Variants in CLDN6 observed in about 807,000 individuals in gnomAD.
The protein encoded by CLDN6 is claudin 6.
For missense variants in CLDN6, 279 were observed against 284.1 expected, an observed-to-expected ratio of 0.98 and a Z score of 0.13; for synonymous variants, 144 against 131.2, an observed-to-expected ratio of 1.10 and a Z score of -0.67.
At position 3,015,255 on chromosome 16, in the gene CLDN6, A is replaced by G; in HGVS notation, c.*104T>C. 2.0e-6 allele frequency: 2 copies of G among 1,011,894 alleles called. No homozygotes were observed. The highest frequency in any genetic ancestry group is 4.0e-5 in the South Asian group (2 of 49,500). The allele number at this position is 1,011,894 out of a possible 1,614,324, so 62.7% of individuals were successfully genotyped here. ...TTAAATATCCTCAGTCAAAAGAAAAATAGCAGGAGGCAGAAACAAAAGGTA... is the reference window on the plus strand; with the variant it reads ...TTAAATATCCTCAGTCAAAAGAAAAGTAGCAGGAGGCAGAAACAAAAGGTA... On this transcript the variant is annotated 3_prime_UTR_variant, in exon 2 of 2. Transcript: ENST00000328796.
Position 3,015,402 on chromosome 16 carries a change from A to AT in CLDN6, c.619dup (p.Ile207AsnfsTer7). 1 of 1,528,432 alleles carries AT rather than the reference A, an allele frequency of 6.5e-7. No individual in the cohort carries two copies. Among genetic ancestry groups the AT allele is most frequent in the Non-Finnish European group, 8.8e-7 (1 of 1,140,710 alleles). 94.7% of individuals were successfully genotyped at this position (1,528,432 alleles called of 1,614,324 possible). A position where few individuals can be genotyped will look rare whatever the true frequency, so the allele number is the denominator to read the frequency against. Reference sequence around the variant, plus strand: ...AGGGTACTCAGAGGGCCCCCGAGAGATGGCAGGGGCAGATGTTGAGTAGCG... The same window carrying AT: ...AGGGTACTCAGAGGGCCCCCGAGAGATTGGCAGGGGCAGATGTTGAGTAGCG... On this transcript the variant is annotated frameshift_variant, in exon 2 of 2. Coordinates refer to ENST00000328796, the MANE Select transcript of CLDN6 (RefSeq NM_021195.5). LOFTEE classifies it high-confidence loss of function.
In CLDN6 at chr16:3,015,791, C is replaced by A. The variant is rs747277237; in HGVS notation, c.231G>T (p.Leu77=). Residue 77 remains leucine (L), a synonymous_variant, in exon 2 of 2, where the codon CTG becomes CTT. Coordinates refer to ENST00000328796, the MANE Select transcript of CLDN6 (RefSeq NM_021195.5). ...TGACACAGAGGGCACGTGCAGCCTGCAGGTCCTGTGGCAGCGCCAGCAGTG... is the reference window on the plus strand; with the variant it reads ...TGACACAGAGGGCACGTGCAGCCTGAAGGTCCTGTGGCAGCGCCAGCAGTG... ...YDSLLALPQD[L]QAARALCVIA... The A allele has an allele frequency of 6.2e-7, 1 of 1,614,104 alleles. No individual in the cohort carries two copies. Among genetic ancestry groups the A allele is most frequent in the Admixed American group, 1.7e-5 (1 of 60,034 alleles).
At chr16:3,016,846 C>T (rs2072571004) in intron 1 of CLDN6, among the ~76,000 whole-genome samples, 1 of 151,976 alleles carries the variant, frequency 6.6e-6, no homozygotes, top group Non-Finnish European at 1.5e-5. Flanking sequence ...GACGGGGTTT[C>T]ACTGTGTTAG....
At position 3,015,604 on chromosome 16, in the gene CLDN6, C is replaced by G; in HGVS notation, c.418G>C (p.Ala140Pro). 1 of 1,613,228 alleles carries G rather than the reference C, an allele frequency of 6.2e-7. No homozygotes were observed. The highest frequency in any genetic ancestry group is 8.5e-7 in the Non-Finnish European group (1 of 1,180,048). Residue 140 changes from alanine (A) to proline (P), a missense_variant, in exon 2 of 2, where the codon GCG becomes CCG. Physicochemically the swap from Ala to Pro is conservative, Grantham distance 27. Coordinates refer to ENST00000328796, the MANE Select transcript of CLDN6 (RefSeq NM_021195.5). Reference protein sequence around the residue: ...VLTLIPVCWTAHAIIRDFYNP... With the variant: ...VLTLIPVCWTPHAIIRDFYNP... ...TAGAAGTCCCGGATGATGGCATGCG[C>G]CGTCCAGCACACGGGGATTAGCGTC...
Position 3,015,826 on chromosome 16 carries a change from C to G in CLDN6, c.196G>C (p.Val66Leu). ...VQSTGQMQCK[V>L]YDSLLALPQD... is the part of the protein sequence containing the mutation. ...GGCAGCGCCAGCAGTGAGTCGTACA[C>G]CTTGCACTGCATCTGGCCGGTGCTC... The change falls in exon 2 of 2, where the codon GTG (valine) becomes CTG (leucine). Residue 66 changes from valine (V) to leucine (L), a missense_variant. Transcript: ENST00000328796. The G allele has an allele frequency of 6.2e-7, 1 of 1,614,184 alleles. No individual in the cohort carries two copies. The highest frequency in any genetic ancestry group is 1.1e-5 in the South Asian group (1 of 91,090).
intron 1 of CLDN6, among the ~76,000 whole-genome samples, chr16:3,016,616 G>A (rs1217816730): frequency 1.3e-5 from 2 of 151,738 alleles, no homozygotes; most frequent in Admixed American, 6.6e-5. Context: ...AAGTAGCTGG[G>A]ATTACAGGTG....
rs188668117 is a variant in CLDN6 at position 3,015,772 on chromosome 16, A to G, written c.250T>C (p.Cys84Arg). The G allele has an allele frequency of 1.9e-6, 3 of 1,614,108 alleles. No individual in the cohort carries two copies. The Admixed American group carries it at 5.0e-5, about 27-fold the overall frequency. ...PQDLQAARAL[C>R]VIALLVALFG... ...AGGGCCACAAGGAGGGCGATGACAC[A>G]GAGGGCACGTGCAGCCTGCAGGTCC... Residue 84 changes from cysteine to arginine, a missense_variant, in exon 2 of 2, where the codon TGT becomes CGT. Cys to Arg is a radical substitution (Grantham distance 180). Transcript: ENST00000328796.
At chr16:3,017,878 C>T (rs1035017436) in intron 1 of CLDN6, among the ~76,000 whole-genome samples, 19 of 150,504 alleles carry the variant, frequency 1.3e-4, no homozygotes, top group African/African-American at 4.4e-4. Context: ...GGAGGGGCGC[C>T]CCGCCCCGAG....
chr16:3,015,675 C>G lies in CLDN6; in HGVS notation c.347G>C (p.Arg116Pro). Residue 116 changes from arginine to proline, a missense_variant, in exon 2 of 2, where the codon CGC becomes CCC. Physicochemically the swap from Arg to Pro is moderately radical, Grantham distance 103 (BLOSUM62 -2). Transcript: ENST00000328796. ...TCVEEKDSKA[R>P]LVLTSGIVFV... The stretch of plus-strand genomic sequence containing the variant: ...GACAATCCCAGAGGTGAGCACCAGG[C>G]GGGCCTTGGAATCCTTCTCCTCCAC... 1 of 1,613,590 alleles carries G rather than the reference C, an allele frequency of 6.2e-7. No homozygotes were observed. The highest frequency in any genetic ancestry group is 8.5e-7 in the Non-Finnish European group (1 of 1,180,042).
At chr16:3,016,351 G>A (rs532302887) in intron 1 of CLDN6, among the ~76,000 whole-genome samples, 1 of 152,370 alleles carries the variant, frequency 6.6e-6, no homozygotes, top group East Asian at 1.9e-4. Flanking sequence ...GACAGTCCAA[G>A]GCCAGAGCCA....
intron 1 of CLDN6, among the ~76,000 whole-genome samples, chr16:3,016,306 G>C (rs2072566976): frequency 6.6e-6 from 1 of 152,228 alleles, no homozygotes; most frequent in South Asian, 2.1e-4. Flanking sequence ...TATCCTGAAT[G>C]CAAATGAAAG....
intron 1 of CLDN6, among the ~76,000 whole-genome samples, chr16:3,016,543 C>T (rs1381592001): frequency 6.6e-6 from 1 of 152,118 alleles, no homozygotes; most frequent in African/African-American, 2.4e-5. Flanking sequence ...TGCAGTGGTG[C>T]CATCTCCACT....
chr16:3,016,175 C>G (rs2072566306), intron 1 of CLDN6, 133 bp from the exon 2 acceptor site: 1 of 748,788 alleles, frequency 1.3e-6, no homozygotes, highest in Non-Finnish European at 2.1e-6. Flanking sequence ...AAGACATGCT[C>G]CCTGAGCCTC....
At position 3,015,208 on chromosome 16, in the gene CLDN6, T is replaced by TG. The variant is rs1332477147; in HGVS notation, c.*150dup. ...TAAGTGAGAGTCTGAGTCAACACCTTGGCTCAGTTTTCAAATGAATTTTAA... is the reference window on the plus strand; with the variant it reads ...TAAGTGAGAGTCTGAGTCAACACCTTGGGCTCAGTTTTCAAATGAATTTTAA... On this transcript the variant is annotated 3_prime_UTR_variant, in exon 2 of 2. Coordinates refer to ENST00000328796, the MANE Select transcript of CLDN6 (RefSeq NM_021195.5). 1 of 655,092 alleles carries TG rather than the reference T, an allele frequency of 1.5e-6. No individual in the cohort carries two copies. The highest frequency in any genetic ancestry group is 2.5e-6 in the Non-Finnish European group (1 of 406,338). 40.6% of individuals were successfully genotyped at this position (655,092 alleles called of 1,614,324 possible).
intron 1 of CLDN6, among the ~76,000 whole-genome samples, chr16:3,016,647 A>C (rs1251977413): frequency 2.3e-5 from 3 of 130,170 alleles, no homozygotes; most frequent in Non-Finnish European, 4.8e-5. Context: ...CGCCCGGCTA[A>C]TTTTTTTTTT....
At chr16:3,017,592 C>T (rs1409623314) in intron 1 of CLDN6, among the ~76,000 whole-genome samples, 2 of 152,116 alleles carry the variant, frequency 1.3e-5, no homozygotes, top group African/African-American at 4.8e-5. Context: ...AGCAGACCAC[C>T]TTGGGGAGAC....
chr16:3,015,254 A>C lies in CLDN6; in HGVS notation c.*105T>G. The C allele has an allele frequency of 3.0e-6, 3 of 1,007,784 alleles. No individual in the cohort carries two copies. Among genetic ancestry groups the C allele is most frequent in the Non-Finnish European group, 4.3e-6 (3 of 699,730 alleles). The allele number at this position is 1,007,784 out of a possible 1,614,324, so 62.4% of individuals were successfully genotyped here. On this transcript the variant is annotated 3_prime_UTR_variant, in exon 2 of 2. Transcript: ENST00000328796. ...TTTAAATATCCTCAGTCAAAAGAAA[A>C]ATAGCAGGAGGCAGAAACAAAAGGT...
In CLDN6 at chr16:3,015,264, G is replaced by C. The variant is rs2072557427; in HGVS notation, c.*95C>G. 9.3e-7 allele frequency: 1 copy of C among 1,079,414 alleles called. No individual in the cohort carries two copies. The highest frequency in any genetic ancestry group is 1.3e-6 in the Non-Finnish European group (1 of 762,466). 66.9% of individuals were successfully genotyped at this position (1,079,414 alleles called of 1,614,324 possible). ...CTCAGTCAAAAGAAAAATAGCAGGA[G>C]GCAGAAACAAAAGGTACGAACCCAT... On this transcript the variant is annotated 3_prime_UTR_variant, in exon 2 of 2. Transcript: ENST00000328796.
At chr16:3,017,031 C>T (rs576516025) in intron 1 of CLDN6, among the ~76,000 whole-genome samples, 22 of 152,078 alleles carry the variant, frequency 1.4e-4, no homozygotes, top group East Asian at 5.8e-4. Flanking sequence ...GTGATCTGCC[C>T]GCCTCAAGCC....
Sources: allele counts gnomAD v4.1 joint callset (sites outside exome capture counted in the v4.1 genomes callset), GRCh38; gene constraint gnomAD v4.1.1; transcripts MANE v1.5; gene names NCBI Gene and HGNC (gene_info 2026-07-23, HGNC 2026-07-21).